CDH12: variants seen among roughly 807,000 people sequenced by gnomAD.
CDH12 encodes the protein cadherin 12.
Under a neutral mutation model 74.1 loss-of-function variants are expected in CDH12, and 41 were observed. That is an observed-to-expected ratio of 0.55 (90% CI 0.43 to 0.72). The LOEUF (loss-of-function observed/expected upper bound fraction) is 0.72. CDH12 is among the 30% of genes least tolerant of loss of function. The probability of loss-of-function intolerance (pLI) is 0.00; values close to 1 mark genes in which losing one functional copy is unlikely to be tolerated. For synonymous variants in CDH12, 399 were observed against 355.0 expected (o/e 1.12, Z -1.39); for missense variants, 945 against 977.2 (o/e 0.97, Z 0.44).
In CDH12 at chr5:21,751,935, A is replaced by G; in HGVS notation, c.2187T>C (p.Thr729=). 4 of 1,613,998 alleles carry G rather than the reference A, an allele frequency of 2.5e-6. No homozygotes were observed. The highest frequency in any genetic ancestry group is 3.4e-6 in the Non-Finnish European group (4 of 1,179,946). ...TGGCCAGTGAATCGTATGGTGGGGC[A>G]GTTGGATCCACATCATTTTCCTGTA... ...QRLQENDVDP[T]APPYDSLATY... is the part of the protein sequence containing the mutation. Residue 729 remains threonine (T), a synonymous_variant, in exon 15 of 15, where the codon ACT becomes ACC. Transcript: ENST00000382254.
At position 22,722,475 on chromosome 5, in the gene CDH12, C is replaced by T. The variant is rs954059764; in HGVS notation, c.-523+130583G>A. 5.3e-5 allele frequency among the ~76,000 whole-genome samples: 8 copies of T among 152,282 alleles called. No homozygotes were observed. In the South Asian group the frequency reaches 1.7e-3, roughly 32 times the overall value. ...TACAGTTAAAATTCATAATGACTCTCCCTTATATATTCAATTATAACTATG... is the reference window on the plus strand; with the variant it reads ...TACAGTTAAAATTCATAATGACTCTTCCTTATATATTCAATTATAACTATG... On this transcript the variant is annotated intron_variant, in intron 1 of 14. Transcript: ENST00000382254.
chr5:22,020,267 A>C (rs1231914914), intron 5 of CDH12, among the ~76,000 whole-genome samples: 1 of 152,118 alleles, frequency 6.6e-6, no homozygotes, highest in Non-Finnish European at 1.5e-5. Flanking sequence ...AAGAAGTCCA[A>C]TTATGGCTGG....
intron 10 of CDH12, 57 bp downstream of exon 10, chr5:21,802,110 G>T: frequency 2.6e-6 from 4 of 1,512,716 alleles, no homozygotes; most frequent in Admixed American, 1.9e-5. Flanking sequence ...TCTGGTTTTT[G>T]TTCTTGTTTT....
At chr5:22,746,920 A>G (rs1745322905) in intron 1 of CDH12, among the ~76,000 whole-genome samples, 1 of 152,216 alleles carries the variant, frequency 6.6e-6, no homozygotes, top group Non-Finnish European at 1.5e-5. Context: ...CTTCCTAAAC[A>G]CAGCTGTACA....
At chr5:22,356,607 A>G (rs538360478) in intron 3 of CDH12, among the ~76,000 whole-genome samples, 1 of 152,270 alleles carries the variant, frequency 6.6e-6, no homozygotes, top group African/African-American at 2.4e-5. Context: ...ATGTATACAT[A>G]TGGAAGACTG....
chr5:22,199,876 C>A (rs1750826360), intron 4 of CDH12, among the ~76,000 whole-genome samples: 2 of 152,176 alleles, frequency 1.3e-5, no homozygotes, highest in Non-Finnish European at 1.5e-5. Context: ...CATTAGAAAT[C>A]ACTTCTTTTC....
intron 6 of CDH12, among the ~76,000 whole-genome samples, chr5:21,900,965 T>C (rs1055762470): frequency 1.3e-5 from 2 of 152,194 alleles, no homozygotes; most frequent in African/African-American, 4.8e-5. Flanking sequence ...TTTCTCATTG[T>C]TGTTTCTGCC....
chr5:22,133,266 G>C (rs1746274657), intron 4 of CDH12, among the ~76,000 whole-genome samples: 1 of 152,040 alleles, frequency 6.6e-6, no homozygotes, highest in African/African-American at 2.4e-5. Flanking sequence ...GAATTTCATA[G>C]CATACCTTTG....
intron 8 of CDH12, among the ~76,000 whole-genome samples, chr5:21,833,010 A>T (rs1320542174): frequency 9.5e-5 from 5 of 52,500 alleles, no homozygotes; most frequent in East Asian, 6.4e-4. Flanking sequence ...TATTATATAT[A>T]ATATATGATA....
intron 3 of CDH12, among the ~76,000 whole-genome samples, chr5:22,310,280 G>C (rs1738326912): frequency 6.6e-6 from 1 of 151,886 alleles, no homozygotes; most frequent in Non-Finnish European, 1.5e-5. Context: ...GGCCAACATG[G>C]TGAAACCCCA....
At position 22,284,857 on chromosome 5, in the gene CDH12, A is replaced by G. The variant is rs56741384; in HGVS notation, c.-332-72214T>C. Among the ~76,000 whole-genome samples, 1,100 of 151,940 alleles carry G rather than the reference A, an allele frequency of 7.2e-3. 16 individuals are homozygous for G. Among genetic ancestry groups the G allele is most frequent in the African/African-American group, 0.026 (1,058 of 41,478 alleles). On this transcript the variant is annotated intron_variant, in intron 3 of 14. Transcript: ENST00000382254. ...TGAAAGAAGGGATTTTTAAAAAATG[A>G]AAAAAGACCAGGAAAAGGGAAAGAA...
chr5:22,092,064 T>C (rs1051046681), intron 4 of CDH12, among the ~76,000 whole-genome samples: 2 of 151,660 alleles, frequency 1.3e-5, no homozygotes, highest in Admixed American at 6.6e-5. Context: ...TCTCAGTAAA[T>C]GATCCTGGGG....
rs1178289452 is a variant in CDH12 at position 21,751,616 on chromosome 5, GTGTGTGTGTGTGTGTT to G, written c.*105_*120del. 1.0e-5 allele frequency: 7 copies of G among 690,802 alleles called. No homozygotes were observed. Among genetic ancestry groups the G allele is most frequent in the Admixed American group, 2.7e-5 (1 of 36,672 alleles). 42.8% of individuals were successfully genotyped at this position (690,802 alleles called of 1,614,324 possible). On this transcript the variant is annotated 3_prime_UTR_variant, in exon 15 of 15. Coordinates refer to ENST00000382254, the MANE Select transcript of CDH12 (RefSeq NM_004061.5). The stretch of plus-strand genomic sequence containing the variant: ...AAAGGAATCTTGTCCCAGAGTGTGT[GTGTGTGTGTGTGTGTT>G]TGTGTGTGTGTGTGTGTGTGAGAGA...
intron 1 of CDH12, among the ~76,000 whole-genome samples, chr5:22,708,977 G>A (rs73742184): frequency 1.4e-4 from 22 of 152,238 alleles, no homozygotes; most frequent in African/African-American, 5.1e-4. Flanking sequence ...GACAGAAAGA[G>A]CACAGGGGGC....
At chr5:22,327,818 C>T (rs1179997430) in intron 3 of CDH12, among the ~76,000 whole-genome samples, 1 of 152,108 alleles carries the variant, frequency 6.6e-6, no homozygotes, top group Non-Finnish European at 1.5e-5. Context: ...TTCGCTTAAA[C>T]AAAATTACCT....
chr5:22,205,953 C>T (rs909494256), intron 4 of CDH12, among the ~76,000 whole-genome samples: 1 of 151,792 alleles, frequency 6.6e-6, no homozygotes, highest in African/African-American at 2.4e-5. Flanking sequence ...ATGTAGAAAT[C>T]AACAATAGAT....
intron 3 of CDH12, among the ~76,000 whole-genome samples, chr5:22,400,030 G>A (rs1323036230): frequency 1.3e-5 from 2 of 152,200 alleles, no homozygotes; most frequent in East Asian, 1.9e-4. Context: ...CAGAATCCTG[G>A]ACTCCTCCCT....
intron 1 of CDH12, among the ~76,000 whole-genome samples, chr5:22,603,577 A>G (rs866079871): frequency 4.6e-5 from 7 of 152,310 alleles, no homozygotes; most frequent in Middle Eastern, 3.4e-3. Context: ...AGAAACAATA[A>G]GAAGTGAGGT....
At chr5:22,491,226 T>G (rs1278395815) in intron 2 of CDH12, among the ~76,000 whole-genome samples, 1 of 152,200 alleles carries the variant, frequency 6.6e-6, no homozygotes, top group Non-Finnish European at 1.5e-5. Context: ...TAGTTCCTGC[T>G]TATGAGTGAC....
Sources: gnomAD v4.1 joint callset for allele counts (sites outside exome capture counted in the v4.1 genomes callset) on GRCh38, gnomAD v4.1.1 for gene constraint, MANE v1.5 for transcripts, NCBI Gene and HGNC (gene_info 2026-07-23, HGNC 2026-07-21) for gene names.